The following ALG3 variants were observed in gnomAD, a reference collection of about 807,000 sequenced individuals.
The protein encoded by ALG3 is dol-P-Man:Man(5)GlcNAc(2)-PP-Dol alpha-1,3-mannosyltransferase.
A neutral mutation model predicts 50.5 loss-of-function variants in ALG3; 39 were observed. The observed-to-expected ratio is 0.77, with a 90% CI of 0.60 to 1.01. ALG3 has a LOEUF of 1.01. Among genes scored for constraint, ALG3 ranks in the 50% least tolerant of loss-of-function variants. The pLI, the probability that ALG3 is intolerant of heterozygous loss-of-function variation, is 0.00. For synonymous variants in ALG3, 252 were observed against 237.2 expected, an observed-to-expected ratio of 1.06 and a Z score of -0.58; for missense variants, 520 against 554.8, an observed-to-expected ratio of 0.94 and a Z score of 0.63.
Position 184,243,014 on chromosome 3 carries a change from C to CA in ALG3, c.1010-58dup, listed in dbSNP as rs1308626633. On this transcript the variant is annotated intron_variant, in intron 7 of 8. Transcript: ENST00000397676. ...GTGTGTGGGGGGGACTATCCCAAAA[C>CA]AGAGGGGCAATAGTTTTTAGGTCAC... is the stretch of plus-strand genomic sequence containing the variant. 1.1e-4 allele frequency: 179 copies of CA among 1,597,852 alleles called. No homozygotes were observed. The South Asian group carries it at 1.8e-3, about 16-fold the overall frequency.
intron 5 of ALG3, among the ~76,000 whole-genome samples, 152 bp from the exon 6 acceptor site, chr3:184,244,148 C>G (rs551768895): frequency 6.6e-6 from 1 of 152,224 alleles, no homozygotes; most frequent in African/African-American, 2.4e-5. Context: ...GTTCCCCACC[C>G]CCCGGCCCAG....
chr3:184,244,826 C>T (rs765661611), intron 4 of ALG3, 105 bp from the exon 5 acceptor site: 213 of 1,462,598 alleles, frequency 1.5e-4, no homozygotes, highest in Non-Finnish European at 1.8e-4. Context: ...TCCCCCCCGC[C>T]GCCACGCCAA....
chr3:184,243,436 T>C (rs757682376), intron 7 of ALG3, 118 bp downstream of exon 7: 1 of 857,278 alleles, frequency 1.2e-6, no homozygotes, highest in Non-Finnish European at 1.9e-6. Context: ...AGAATAGGAC[T>C]TCTATGATTG....
Position 184,245,582 on chromosome 3 carries a change from C to T in ALG3, c.330G>A (p.Gly110=). 6.2e-7 allele frequency: 1 copy of T among 1,613,636 alleles called. No individual in the cohort carries two copies. The highest frequency in any genetic ancestry group is 8.5e-7 in the Non-Finnish European group (1 of 1,179,730). Residue 110 remains glycine, a synonymous_variant, in exon 3 of 9, where the codon GGG becomes GGA. Transcript: ENST00000397676. The part of the protein sequence containing the change: ...YPAGFVYIFM[G]LYYATSRGTD... ...TGCCTCGGCTGGTGGCATAGTACAA[C>T]CCCATAAAGATGTACACGAAACCAG... is the stretch of plus-strand genomic sequence containing the variant.
At chr3:184,245,678 C>T (rs1301248782) in intron 2 of ALG3, 35 bp downstream of exon 2, 2 of 1,610,166 alleles carry the variant, frequency 1.2e-6, no homozygotes, top group Admixed American at 1.7e-5. Flanking sequence ...TAACCAGCCC[C>T]TCACATCCTC....
intron 1 of ALG3, among the ~76,000 whole-genome samples, chr3:184,247,379 C>T (rs1719215397): frequency 6.6e-6 from 1 of 151,488 alleles, no homozygotes; most frequent in South Asian, 2.1e-4. Context: ...CTCACTGCAA[C>T]CTCCACCTCC....
Position 184,242,431 on chromosome 3 carries a change from A to G in ALG3, c.*83T>C, listed in dbSNP as rs1718837733. On this transcript the variant is annotated 3_prime_UTR_variant, in exon 9 of 9. Transcript: ENST00000397676. ...ATGTAGGTTGCACAGAGTTGGACTT[A>G]GCAAGGTTTATTTGGAAGGGCAGAG... is the stretch of plus-strand genomic sequence containing the variant. The G allele has an allele frequency of 6.6e-7, 1 of 1,521,834 alleles. No homozygotes were observed. Among genetic ancestry groups the G allele is most frequent in the African/African-American group, 1.4e-5 (1 of 73,068 alleles). 94.3% of individuals were successfully genotyped at this position (1,521,834 alleles called of 1,614,324 possible).
rs1302235994 is a variant in ALG3, at chr3:184,242,407, T to G, written c.*107A>C. The G allele has an allele frequency of 8.0e-6, 11 of 1,368,454 alleles. No homozygotes were observed. The highest frequency in any genetic ancestry group is 1.4e-5 in the African/African-American group (1 of 69,490). 84.8% of individuals were successfully genotyped at this position (1,368,454 alleles called of 1,614,324 possible). A position where few individuals can be genotyped will look rare whatever the true frequency, so the allele number is the denominator to read the frequency against. On this transcript the variant is annotated 3_prime_UTR_variant, in exon 9 of 9. Transcript: ENST00000397676. ...CAGGCATCGGCTGCCCCCACCTCCA[T>G]GTAGGTTGCACAGAGTTGGACTTAG... is the stretch of plus-strand genomic sequence containing the variant.
Position 184,243,643 on chromosome 3 carries a change from C to G in ALG3, c.933-13G>C. The stretch of plus-strand genomic sequence containing the variant: ...ACTTTCCCCTGTCCTGGAGAAAAGC[C>G]ATTCAGACAGTTATCAAGCCCCTTT... On this transcript the variant is annotated splice_polypyrimidine_tract_variant and intron_variant, in intron 6 of 8. Coordinates refer to ENST00000397676, the MANE Select transcript of ALG3 (RefSeq NM_005787.6). 1 of 1,613,762 alleles carries G rather than the reference C, an allele frequency of 6.2e-7. No homozygotes were observed. Among genetic ancestry groups the G allele is most frequent in the Middle Eastern group, 1.6e-4 (1 of 6,062 alleles).
chr3:184,244,671 A>G lies in ALG3; in HGVS notation c.656T>C (p.Leu219Pro), dbSNP rs1423328264. Residue 219 changes from leucine (L) to proline (P), a missense_variant, in exon 5 of 9, where the codon CTG becomes CCG. Leu to Pro is a moderately conservative substitution (Grantham distance 98). Transcript: ENST00000397676. ...GCCAAACTGTGTGAGGAGAAGAAACAGTAACCCAGGGGCGAAGAGCAGCAC... is the reference window on the plus strand; with the variant it reads ...GCCAAACTGTGTGAGGAGAAGAAACGGTAACCCAGGGGCGAAGAGCAGCAC... ...MNVLLFAPGLLFLLLTQFGFR... is the reference protein window; with the variant it reads ...MNVLLFAPGLPFLLLTQFGFR... 7 of 1,610,922 alleles carry G rather than the reference A, an allele frequency of 4.3e-6. No homozygotes were observed. Among genetic ancestry groups the G allele is most frequent in the African/African-American group, 1.3e-5 (1 of 74,838 alleles).
rs367803412 is a variant in ALG3 at position 184,242,512 on chromosome 3, C to G, written c.*2G>C. ...TCAGGTCCTGAGGGAAAGGGGTGGA[C>G]TTCAGTGGGCTTTCTTGCTGTGTTG... is the stretch of plus-strand genomic sequence containing the variant. On this transcript the variant is annotated 3_prime_UTR_variant, in exon 9 of 9. Transcript: ENST00000397676. 4.3e-6 allele frequency: 7 copies of G among 1,612,788 alleles called. No homozygotes were observed. In the African/African-American group the frequency reaches 9.3e-5, roughly 22 times the overall value.
chr3:184,243,085 GT>G, intron 7 of ALG3, 128 bp from the exon 8 acceptor site: 1 of 1,303,464 alleles, frequency 7.7e-7, no homozygotes, highest in East Asian at 2.5e-5. Flanking sequence ...CTTTGGGCAA[GT>G]TTATTAACCT....
In ALG3 at chr3:184,243,539, C is replaced by T. The variant is rs745564433; in HGVS notation, c.1009+15G>A. ...AGAGAGGGCAAGACTTACCTTCCCA[C>T]AATTTAAAGGATATGGTTGGGTGTA... On this transcript the variant is annotated intron_variant, in intron 7 of 8. Coordinates refer to ENST00000397676, the MANE Select transcript of ALG3 (RefSeq NM_005787.6). The T allele has an allele frequency of 5.0e-6, 8 of 1,613,468 alleles. No homozygotes were observed. The highest frequency in any genetic ancestry group is 1.7e-4 in the Middle Eastern group (1 of 6,054).
intron 2 of ALG3, 48 bp downstream of exon 2, chr3:184,245,665 A>G (rs750085301): frequency 6.2e-7 from 1 of 1,610,316 alleles, no homozygotes; most frequent in Admixed American, 1.7e-5. Context: ...ACAGACTAGT[A>G]CCTAACCAGC....
intron 1 of ALG3, 100 bp from the exon 2 acceptor site, chr3:184,245,912 T>A: frequency 1.1e-6 from 1 of 894,038 alleles, no homozygotes. Context: ...TTCAGCCAAT[T>A]CCCAGGGCTT....
At chr3:184,248,713 C>G (rs1719326453) in intron 1 of ALG3, 32 bp downstream of exon 1, 383 of 549,090 alleles carry the variant, frequency 7.0e-4, no homozygotes, top group East Asian at 1.4e-3. Context: ...AGGTCTCCCT[C>G]CCTCCCCTCC....
rs1718827997 is a variant in ALG3, at chr3:184,242,376, C to G, written c.*138G>C. ...CTGCTCCATACGTGTCCCTCACAGC[C>G]TGGACCAGGCATCGGCTGCCCCCAC... On this transcript the variant is annotated 3_prime_UTR_variant, in exon 9 of 9. Coordinates refer to ENST00000397676, the MANE Select transcript of ALG3 (RefSeq NM_005787.6). 9.1e-7 allele frequency: 1 copy of G among 1,098,364 alleles called. No homozygotes were observed. The highest frequency in any genetic ancestry group is 2.0e-5 in the Admixed American group (1 of 50,400). The allele number at this position is 1,098,364 out of a possible 1,614,324, so 68.0% of individuals were successfully genotyped here. A position where few individuals can be genotyped will look rare whatever the true frequency, so the allele number is the denominator to read the frequency against.
intron 7 of ALG3, 26 bp from the exon 8 acceptor site, chr3:184,242,983 AG>A: frequency 6.2e-7 from 1 of 1,611,508 alleles, no homozygotes; most frequent in Non-Finnish European, 8.5e-7. Context: ...GGCCAAGGGC[AG>A]GAGTGTGTGT....
chr3:184,245,661 T>G (rs1159443168), intron 2 of ALG3, 46 bp from the exon 3 acceptor site: 1 of 1,611,006 alleles, frequency 6.2e-7, no homozygotes, highest in Admixed American at 1.7e-5. Context: ...TCACACAGAC[T>G]AGTACCTAAC....
Sources: allele counts gnomAD v4.1 joint callset (sites outside exome capture counted in the v4.1 genomes callset), GRCh38; gene constraint gnomAD v4.1.1; transcripts MANE v1.5; gene names NCBI Gene and HGNC (gene_info 2026-07-23, HGNC 2026-07-21).